KDM4C: variants seen among roughly 807,000 people sequenced by gnomAD.
The protein encoded by KDM4C is lysine demethylase 4C.
A neutral mutation model predicts 129.3 loss-of-function variants in KDM4C; 81 were observed. The ratio of observed to expected loss-of-function variants is 0.63; its 90% CI spans 0.52 to 0.75. KDM4C has a LOEUF of 0.75. Ranked by LOEUF, KDM4C falls within the 30% of genes least tolerant of loss-of-function variation. The pLI is 0.00. For missense variants in KDM4C, 1,457 were observed against 1,304.0 expected (o/e 1.12, Z -1.81); for synonymous variants, 573 against 456.1 (o/e 1.26, Z -3.26).
chr9:6,881,413 G>A (rs751079535), intron 6 of KDM4C, among the ~76,000 whole-genome samples: 1 of 152,158 alleles, frequency 6.6e-6, no homozygotes. Context: ...TAATAGATTA[G>A]AGTAGAGCTT....
intron 8 of KDM4C, among the ~76,000 whole-genome samples, chr9:6,980,709 A>G (rs1431716120): frequency 6.6e-6 from 1 of 152,182 alleles, no homozygotes; most frequent in Non-Finnish European, 1.5e-5. Flanking sequence ...TGAGGTCCAC[A>G]AACCATTATA....
chr9:6,943,679 A>AC (rs34025765), intron 8 of KDM4C, among the ~76,000 whole-genome samples: 38,090 of 151,758 alleles, frequency 0.25, 5,361 homozygotes, highest in South Asian at 0.42. Flanking sequence ...TGTCTCAAAA[A>AC]AAAAAAAAAA....
chr9:6,807,765 G>GC (rs1312253782), intron 3 of KDM4C, among the ~76,000 whole-genome samples: 1 of 130,412 alleles, frequency 7.7e-6, no homozygotes, highest in South Asian at 2.7e-4. Context: ...TCTCCGCCCG[G>GC]CAGCCACCCC....
chr9:6,980,454 A>G (rs1197344221), intron 8 of KDM4C, among the ~76,000 whole-genome samples: 2 of 152,180 alleles, frequency 1.3e-5, no homozygotes, highest in South Asian at 2.1e-4. Flanking sequence ...AGAGTTCGTT[A>G]ATAACCATAA....
rs557133968 is a variant in KDM4C at position 6,827,583 on chromosome 9, T to C, written c.435+12838T>C. On this transcript the variant is annotated intron_variant, in intron 4 of 21. Coordinates refer to ENST00000381309, the MANE Select transcript of KDM4C (RefSeq NM_015061.6). ...CAGCAAATTTATTTGAGGCTGTGGG[T>C]TTCCAAATGAGGTAAAACAGTTTAA... Among the ~76,000 whole-genome samples, 20 of 152,334 alleles carry C rather than the reference T, an allele frequency of 1.3e-4. No homozygotes were observed. The South Asian group carries it at 2.7e-3, about 21-fold the overall frequency.
chr9:6,998,165 T>C (rs1174950513), intron 12 of KDM4C, among the ~76,000 whole-genome samples: 1 of 152,238 alleles, frequency 6.6e-6, no homozygotes, highest in Non-Finnish European at 1.5e-5. Flanking sequence ...CCCTGATCCC[T>C]ATCTCTGTAA....
intron 4 of KDM4C, among the ~76,000 whole-genome samples, chr9:6,827,169 C>G (rs938623117): frequency 2.0e-5 from 3 of 152,172 alleles, no homozygotes; most frequent in African/African-American, 7.2e-5. Context: ...GAATATTTGA[C>G]CTGTTTTCGT....
At chr9:6,757,436 G>A (rs1025888610), upstream of KDM4C, among the ~76,000 whole-genome samples, 1 of 152,184 alleles carries the variant, frequency 6.6e-6, no homozygotes, top group African/African-American at 2.4e-5. Flanking sequence ...TAAAGGGTTG[G>A]GACACGAAGA....
intron 17 of KDM4C, among the ~76,000 whole-genome samples, chr9:7,087,143 C>T (rs116684742): frequency 0.011 from 1,587 of 150,350 alleles, 19 homozygotes; most frequent in African/African-American, 0.037. Context: ...ATGATGTCAG[C>T]TGATACACAG....
chr9:6,787,172 G>T lies in KDM4C; in HGVS notation c.-17-5800G>T, dbSNP rs1028290183. ...TCAAGGTCTAGGTTTAATTCTAGTA[G>T]CCACTAATTTGCTGCATGTCTTAAC... On this transcript the variant is annotated intron_variant, in intron 1 of 21. Transcript: ENST00000381309. Among the ~76,000 whole-genome samples, 4 of 152,188 alleles carry T rather than the reference G, an allele frequency of 2.6e-5. No individual in the cohort carries two copies. The South Asian group carries it at 8.3e-4, about 32-fold the overall frequency.
At chr9:6,724,564 T>A (rs991345723) in intron 1 of KDM4C, among the ~76,000 whole-genome samples, 9 of 152,170 alleles carry the variant, frequency 5.9e-5, no homozygotes, top group African/African-American at 2.2e-4. Context: ...GGATACTTGT[T>A]CTGTCGCCCA....
At chr9:6,770,731 T>C (rs1821620741) in intron 1 of KDM4C, among the ~76,000 whole-genome samples, 1 of 145,254 alleles carries the variant, frequency 6.9e-6, no homozygotes, top group Admixed American at 6.9e-5. Context: ...TTTTTCAATA[T>C]AGCCGGTATC....
chr9:6,927,429 C>T (rs1183117550), intron 8 of KDM4C, among the ~76,000 whole-genome samples: 1 of 152,166 alleles, frequency 6.6e-6, no homozygotes, highest in Admixed American at 6.5e-5. Flanking sequence ...TGCGCCCAGC[C>T]TCTTTTTTCT....
chr9:7,027,840 A>G (rs1267022828), intron 15 of KDM4C, among the ~76,000 whole-genome samples: 1 of 152,116 alleles, frequency 6.6e-6, no homozygotes, highest in East Asian at 1.9e-4. Context: ...TCCCATTTCT[A>G]CTGGCAGAGG....
At chr9:6,769,458 C>T (rs924041522) in intron 1 of KDM4C, among the ~76,000 whole-genome samples, 24 of 152,018 alleles carry the variant, frequency 1.6e-4, no homozygotes, top group Admixed American at 1.6e-3. Flanking sequence ...CACCTATTTG[C>T]TGTTTGACCT....
At chr9:6,985,917 C>G (rs2381528) in intron 10 of KDM4C, among the ~76,000 whole-genome samples, 84,575 of 152,092 alleles carry the variant, frequency 0.56, 24,028 homozygotes, top group South Asian at 0.73. Context: ...TCTTGAACTT[C>G]TGGCCTCAAG....
At chr9:6,826,314 T>C (rs1833861130) in intron 4 of KDM4C, among the ~76,000 whole-genome samples, 1 of 152,094 alleles carries the variant, frequency 6.6e-6, no homozygotes, top group Non-Finnish European at 1.5e-5. Flanking sequence ...TTTTTGTTAA[T>C]ATAAACATTA....
upstream of KDM4C, among the ~76,000 whole-genome samples, chr9:6,754,660 A>G (rs1818184008): frequency 6.6e-6 from 1 of 152,002 alleles, no homozygotes; most frequent in African/African-American, 2.4e-5. Flanking sequence ...GGATCATTTG[A>G]GCCCAGGAGT....
intron 12 of KDM4C, among the ~76,000 whole-genome samples, chr9:7,003,574 C>A (rs1270689636): frequency 6.6e-6 from 1 of 151,914 alleles, no homozygotes; most frequent in African/African-American, 2.4e-5. Context: ...ACATAAAGAA[C>A]AAAACTATAT....
Sources: allele counts gnomAD v4.1 joint callset (sites outside exome capture counted in the v4.1 genomes callset), GRCh38; gene constraint gnomAD v4.1.1; transcripts MANE v1.5; gene names NCBI Gene and HGNC (gene_info 2026-07-23, HGNC 2026-07-21).